The following TAS2R1 variants were observed in gnomAD, a reference collection of about 807,000 sequenced individuals.
The protein encoded by TAS2R1 is taste receptor type 2 member 1.
For synonymous variants in TAS2R1, 141 were observed against 134.2 expected (o/e 1.05, Z -0.35); for missense variants, 370 against 353.4 (o/e 1.05, Z -0.38).
the TAS2R1 span, among the ~76,000 whole-genome samples, chr5:9,772,893 T>A: frequency 6.6e-6 from 1 of 152,220 alleles, no homozygotes; most frequent in African/African-American, 2.4e-5. Flanking sequence ...TCTTTATAGA[T>A]GAAGTGTTTT....
the TAS2R1 span, among the ~76,000 whole-genome samples, chr5:9,812,322 A>G: frequency 2.6e-5 from 4 of 151,978 alleles, no homozygotes; most frequent in Non-Finnish European, 5.9e-5. Flanking sequence ...ATATGTATGT[A>G]TGTATGTATA....
chr5:9,652,940 G>A (rs1404007946), intron 2 of TAS2R1, among the ~76,000 whole-genome samples: 1 of 152,026 alleles, frequency 6.6e-6, no homozygotes, highest in East Asian at 1.9e-4. Flanking sequence ...CAGTGGCATT[G>A]GGTACATTCA....
rs1167795065 is a variant in TAS2R1, at chr5:9,667,284, C to A, written c.-241-7703G>T. Among the ~76,000 whole-genome samples, 20 of 152,306 alleles carry A rather than the reference C, an allele frequency of 1.3e-4. No individual in the cohort carries two copies. The South Asian group carries it at 3.9e-3, about 30-fold the overall frequency. ...CAGGGTGGGCAACTCTACCTACCCC[C>A]ACCTCTCGTAGCCAGGAAAGCTTTA... On this transcript the variant is annotated intron_variant, in intron 1 of 2. Transcript: ENST00000506620.
At chr5:9,731,175 C>G in the TAS2R1 span, among the ~76,000 whole-genome samples, 5 of 152,032 alleles carry the variant, frequency 3.3e-5, no homozygotes, top group African/African-American at 4.8e-5. Context: ...CCAAGCCCTG[C>G]TGACATTCAT....
At chr5:9,796,058 G>A in the TAS2R1 span, among the ~76,000 whole-genome samples, 1 of 152,148 alleles carries the variant, frequency 6.6e-6, no homozygotes, top group Admixed American at 6.5e-5. Flanking sequence ...GAGATGACAG[G>A]GACCTCAGGG....
chr5:9,712,912 A>T (rs748014946), upstream of TAS2R1, among the ~76,000 whole-genome samples: 1 of 150,150 alleles, frequency 6.7e-6, no homozygotes, highest in Non-Finnish European at 1.5e-5. Context: ...TAACTAATAT[A>T]CCCACCCTCC....
At chr5:9,797,693 T>C in the TAS2R1 span, among the ~76,000 whole-genome samples, 1 of 152,202 alleles carries the variant, frequency 6.6e-6, no homozygotes, top group Admixed American at 6.5e-5. Flanking sequence ...TTGTTGACGA[T>C]GATGCCACTG....
chr5:9,744,759 CT>C, the TAS2R1 span, among the ~76,000 whole-genome samples: 2 of 152,096 alleles, frequency 1.3e-5, no homozygotes, highest in African/African-American at 4.8e-5. Context: ...ACAAAGTGTT[CT>C]TTTTTCTTTA....
At chr5:9,792,278 T>C in the TAS2R1 span, among the ~76,000 whole-genome samples, 1 of 152,190 alleles carries the variant, frequency 6.6e-6, no homozygotes, top group Non-Finnish European at 1.5e-5. Context: ...CACATTCACA[T>C]ATAGCAATTT....
chr5:9,721,982 C>T, the TAS2R1 span, among the ~76,000 whole-genome samples: 1 of 152,208 alleles, frequency 6.6e-6, no homozygotes, highest in South Asian at 2.1e-4. Flanking sequence ...TATAGGTGGC[C>T]AGACCAGTAA....
At chr5:9,731,720 ATG>A in the TAS2R1 span, among the ~76,000 whole-genome samples, 1 of 152,140 alleles carries the variant, frequency 6.6e-6, no homozygotes, top group Non-Finnish European at 1.5e-5. Context: ...GTTGTACTCC[ATG>A]TGTGTCTTTT....
the TAS2R1 span, among the ~76,000 whole-genome samples, chr5:9,736,066 C>T: frequency 6.6e-6 from 1 of 152,164 alleles, no homozygotes; most frequent in Non-Finnish European, 1.5e-5. Context: ...TGCATTTTTA[C>T]TAGTTTCAGC....
chr5:9,809,458 G>A, the TAS2R1 span, among the ~76,000 whole-genome samples: 3 of 152,010 alleles, frequency 2.0e-5, no homozygotes, highest in African/African-American at 4.8e-5. Context: ...TGGGATTAGT[G>A]TCCTTATAAG....
At chr5:9,729,544 C>G in the TAS2R1 span, among the ~76,000 whole-genome samples, 2 of 152,048 alleles carry the variant, frequency 1.3e-5, no homozygotes, top group Non-Finnish European at 2.9e-5. Flanking sequence ...GTTTGGCAAG[C>G]TGTGGAGAAG....
chr5:9,775,804 T>C, the TAS2R1 span, among the ~76,000 whole-genome samples: 1 of 152,156 alleles, frequency 6.6e-6, no homozygotes, highest in African/African-American at 2.4e-5. Flanking sequence ...GCTGAGCTGA[T>C]ATCCAAGTTG....
chr5:9,879,787 T>C, the TAS2R1 span, among the ~76,000 whole-genome samples: 8 of 152,188 alleles, frequency 5.3e-5, no homozygotes, highest in Admixed American at 3.3e-4. Context: ...AATTGTATGG[T>C]GAAATGTCTA....
chr5:9,646,178 G>A (rs1355429148), intron 2 of TAS2R1, among the ~76,000 whole-genome samples: 2 of 152,104 alleles, frequency 1.3e-5, no homozygotes, highest in African/African-American at 4.8e-5. Flanking sequence ...ATCTGTGGAA[G>A]TTACTTAGAA....
the TAS2R1 span, among the ~76,000 whole-genome samples, chr5:9,760,323 G>A: frequency 6.6e-6 from 1 of 152,106 alleles, no homozygotes; most frequent in South Asian, 2.1e-4. Context: ...AGAAGTAGAG[G>A]GAACATTTCC....
the TAS2R1 span, among the ~76,000 whole-genome samples, chr5:9,772,678 C>A: frequency 6.6e-6 from 1 of 152,034 alleles, no homozygotes; most frequent in African/African-American, 2.4e-5. Flanking sequence ...GCTGGGTGTT[C>A]CAGTGTTGGG....
Sources: allele counts gnomAD v4.1 joint callset (sites outside exome capture counted in the v4.1 genomes callset), GRCh38; gene constraint gnomAD v4.1.1; transcripts MANE v1.5; gene names NCBI Gene and HGNC (gene_info 2026-07-23, HGNC 2026-07-21).